Variants in CPAMD8 observed in about 807,000 individuals in gnomAD.
The protein encoded by CPAMD8 is C3 and PZP like alpha-2-macroglobulin domain containing 8.
Under a neutral mutation model 224.7 loss-of-function variants are expected in CPAMD8, and 146 were observed. The ratio of observed to expected loss-of-function variants is 0.65; its 90% CI spans 0.57 to 0.75. The LOEUF is 0.75. CPAMD8 is among the 30% of genes least tolerant of loss of function. The pLI is 0.00. For synonymous variants in CPAMD8, 966 were observed against 1,044.6 expected (o/e 0.92, Z 1.45); for missense variants, 2,301 against 2,537.5 (o/e 0.91, Z 2.00).
chr19:16,903,725 G>T lies in CPAMD8; in HGVS notation c.4384C>A (p.Gln1462Lys), dbSNP rs2052355103. The T allele has an allele frequency of 3.7e-6, 6 of 1,614,194 alleles. No individual in the cohort carries two copies. Among genetic ancestry groups the T allele is most frequent in the Non-Finnish European group, 5.1e-6 (6 of 1,180,038 alleles). ...QETFELHRTN[Q>K]KVLQTAAIPS... is the part of the protein sequence containing the mutation. ...ACCGCTGCTGTCTGCAGAACCTTCT[G>T]GTTGGTCCTGTGCAGCTCGAAGGTT... Residue 1462 changes from glutamine (Q) to lysine (K), a missense_variant, in exon 33 of 42, where the codon CAG becomes AAG. Gln to Lys is a moderately conservative substitution (Grantham distance 53). Coordinates refer to ENST00000443236, the MANE Select transcript of CPAMD8 (RefSeq NM_015692.5).
chr19:16,903,895 C>T, intron 32 of CPAMD8, 38 bp from the exon 33 acceptor site: 2 of 1,602,404 alleles, frequency 1.2e-6, no homozygotes, highest in Admixed American at 3.3e-5. Context: ...AACCCTGAGA[C>T]TGAGTTGGCC....
chr19:16,922,033 C>T, intron 26 of CPAMD8, 47 bp from the exon 27 acceptor site: 1 of 1,368,724 alleles, frequency 7.3e-7, no homozygotes, highest in Non-Finnish European at 1.0e-6. Context: ...TGGCCTGGCC[C>T]AGGCCCGCCC....
chr19:17,026,774 C>T lies in CPAMD8; in HGVS notation c.-132G>A. 1 of 1,153,110 alleles carries T rather than the reference C, an allele frequency of 8.7e-7. No homozygotes were observed. Among genetic ancestry groups the T allele is most frequent in the Non-Finnish European group, 1.1e-6 (1 of 938,492 alleles). The allele number at this position is 1,153,110 out of a possible 1,614,324, so 71.4% of individuals were successfully genotyped here. On this transcript the variant is annotated 5_prime_UTR_variant, in exon 1 of 42. Coordinates refer to ENST00000443236, the MANE Select transcript of CPAMD8 (RefSeq NM_015692.5). The stretch of plus-strand genomic sequence containing the variant: ...TGTTCGCAGCCCCCGCGCAGTGCGC[C>T]CGGCGCCATGCGCCCCGCTCCGCGC...
chr19:16,908,722 A>G (rs1290435937), intron 29 of CPAMD8, among the ~76,000 whole-genome samples: 2 of 152,200 alleles, frequency 1.3e-5, no homozygotes, highest in Non-Finnish European at 2.9e-5. Context: ...CCATCCTTAG[A>G]CCAGGACAAA....
intron 18 of CPAMD8, among the ~76,000 whole-genome samples, chr19:16,966,894 G>A (rs2054845696): frequency 6.6e-6 from 1 of 152,258 alleles, no homozygotes; most frequent in Non-Finnish European, 1.5e-5. Flanking sequence ...GTTGGTGGGA[G>A]TGTAAATTAG....
chr19:16,977,405 C>T lies in CPAMD8; in HGVS notation c.1721G>A (p.Ser574Asn). ...VRENGEGVAD[S>N]LQFAVETFFE... Reference sequence around the variant, plus strand: ...GAAGGTCTCGACTGCAAACTGAAGGCTGTCGGCGACCCCTTCTCCATTCTC... The same window carrying T: ...GAAGGTCTCGACTGCAAACTGAAGGTTGTCGGCGACCCCTTCTCCATTCTC... The change falls in exon 15 of 42, where the codon AGC becomes AAC. Residue 574 changes from serine to asparagine, a missense_variant. Ser to Asn is a conservative substitution (Grantham distance 46). Around this residue, in one of 4 missense-constraint regions of CPAMD8, gnomAD observed 301 missense variants for 406.6 expected, o/e 0.74. Transcript: ENST00000443236. 6.2e-7 allele frequency: 1 copy of T among 1,612,758 alleles called. No homozygotes were observed. The highest frequency in any genetic ancestry group is 1.1e-5 in the South Asian group (1 of 91,022).
At chr19:17,017,563 T>C (rs1285480318) in intron 3 of CPAMD8, among the ~76,000 whole-genome samples, 1 of 152,188 alleles carries the variant, frequency 6.6e-6, no homozygotes, top group African/African-American at 2.4e-5. Flanking sequence ...TTGTAAGATG[T>C]TGAGTTGCAG....
At chr19:17,017,759 G>A (rs986227686) in intron 3 of CPAMD8, among the ~76,000 whole-genome samples, 6 of 152,230 alleles carry the variant, frequency 3.9e-5, no homozygotes, top group Admixed American at 6.5e-5. Flanking sequence ...GCCAGGTGCT[G>A]TGGCTCACGC....
intron 10 of CPAMD8, among the ~76,000 whole-genome samples, chr19:16,998,542 A>C (rs752224123): frequency 5.9e-5 from 9 of 152,184 alleles, no homozygotes; most frequent in Non-Finnish European, 1.3e-4. Context: ...GATGTGTCTC[A>C]GGTGGGAAAG....
intron 11 of CPAMD8, among the ~76,000 whole-genome samples, chr19:16,996,660 A>G (rs113353157): frequency 0.018 from 2,675 of 152,120 alleles, 78 homozygotes; most frequent in African/African-American, 0.06. Context: ...CTCTACTAAA[A>G]ATACAAAAAT....
In CPAMD8 at chr19:16,989,705, C is replaced by T. The variant is rs574048580; in HGVS notation, c.1333G>A (p.Gly445Ser). Residue 445 changes from glycine to serine, a missense_variant, in exon 13 of 42, where the codon GGC becomes AGC. This residue lies in a region of CPAMD8 where 301 missense variants were observed against 406.6 expected (regional missense o/e 0.74). Transcript: ENST00000443236. Reference sequence around the variant, plus strand: ...CACTGGCTGGGGGAGTACCAGCTGCCGAGGGAGAGGTAGCTGGGCAGGTAC... The same window carrying T: ...CACTGGCTGGGGGAGTACCAGCTGCTGAGGGAGAGGTAGCTGGGCAGGTAC... The part of the protein sequence containing the change: ...AQYLPSYLSL[G>S]SWYSPSQCYL... 28 of 1,613,942 alleles carry T rather than the reference C, an allele frequency of 1.7e-5. No individual in the cohort carries two copies. In the African/African-American group the frequency reaches 1.9e-4, roughly 11 times the overall value.
chr19:16,904,951 A>G (rs1029440596), intron 30 of CPAMD8, among the ~76,000 whole-genome samples: 1 of 152,234 alleles, frequency 6.6e-6, no homozygotes, highest in African/African-American at 2.4e-5. Context: ...CAAAGGCTCA[A>G]AGATTCTGGC....
intron 27 of CPAMD8, among the ~76,000 whole-genome samples, chr19:16,919,515 A>C (rs760441711): frequency 2.6e-5 from 4 of 152,246 alleles, no homozygotes; most frequent in Non-Finnish European, 5.9e-5. Flanking sequence ...ACCTCAGCAA[A>C]GATCCCCAGG....
At chr19:16,895,525 G>C in intron 41 of CPAMD8, 1 of 218,024 alleles carries the variant, frequency 4.6e-6, no homozygotes, top group Non-Finnish European at 9.4e-6. Context: ...TGCAGGTGTT[G>C]AGGGGAGAGA....
rs1396320553 is a variant in CPAMD8 at position 16,951,959 on chromosome 19, G to A, written c.2508+10C>T. ...ATGGAGGAAGGCTATGTATTTGGGG[G>A]GCTGAGTACCTCAGCGCAGGTGCCC... On this transcript the variant is annotated intron_variant, in intron 20 of 41. Transcript: ENST00000443236. 2 of 1,494,292 alleles carry A rather than the reference G, an allele frequency of 1.3e-6. No homozygotes were observed. The highest frequency in any genetic ancestry group is 1.2e-5 in the South Asian group (1 of 82,854). 92.6% of individuals were successfully genotyped at this position (1,494,292 alleles called of 1,614,324 possible). A position where few individuals can be genotyped will look rare whatever the true frequency, so the allele number is the denominator to read the frequency against.
chr19:16,895,816 GA>G, intron 41 of CPAMD8: 1 of 455,806 alleles, frequency 2.2e-6, no homozygotes, highest in Non-Finnish European at 4.4e-6. Flanking sequence ...TCTGAAATGT[GA>G]AAAAATCTGA....
At chr19:16,912,214 T>C (rs2052754536) in intron 29 of CPAMD8, among the ~76,000 whole-genome samples, 1 of 152,182 alleles carries the variant, frequency 6.6e-6, no homozygotes, top group Non-Finnish European at 1.5e-5. Flanking sequence ...CCCCAGTCCA[T>C]GGAACAATTG....
intron 29 of CPAMD8, among the ~76,000 whole-genome samples, chr19:16,912,716 A>AGGCC (rs2052775535): frequency 6.6e-6 from 1 of 152,172 alleles, no homozygotes; most frequent in Non-Finnish European, 1.5e-5. Context: ...GCCAAAGAGA[A>AGGCC]TCACTTGAAC....
In CPAMD8 at chr19:17,015,462, C is replaced by T. The variant is rs79112199; in HGVS notation, c.268-3705G>A. Among the ~76,000 whole-genome samples the T allele has an allele frequency of 5.0e-3, 762 of 152,078 alleles. 5 individuals carry two copies. The highest frequency in any genetic ancestry group is 0.017 in the African/African-American group (704 of 41,490). On this transcript the variant is annotated intron_variant, in intron 3 of 41. Transcript: ENST00000443236. ...GGGTGAGGTCGGGGTGCACTAGGACCCCCGCTCTCTGAAGCCACACGGGGT... is the reference window on the plus strand; with the variant it reads ...GGGTGAGGTCGGGGTGCACTAGGACTCCCGCTCTCTGAAGCCACACGGGGT...
Sources: allele counts gnomAD v4.1 joint callset (sites outside exome capture counted in the v4.1 genomes callset), GRCh38; gene constraint gnomAD v4.1.1; regional missense constraint gnomAD v4.1.1; transcripts MANE v1.5; gene names NCBI Gene and HGNC (gene_info 2026-07-23, HGNC 2026-07-21).